VCPKMT: variants seen among roughly 807,000 people sequenced by gnomAD.
VCPKMT encodes protein N-lysine methyltransferase METTL21D.
In VCPKMT, 32 loss-of-function variants were observed where a neutral mutation model predicts 28.6. The observed-to-expected ratio is 1.12, with a 90% CI of 0.84 to 1.50. VCPKMT has a LOEUF of 1.50. Among genes scored for constraint, VCPKMT ranks in the 40% most tolerant of loss-of-function variants. The pLI is 0.00. For missense variants in VCPKMT, 366 were observed against 285.0 expected (o/e 1.28, Z -2.05); for synonymous variants, 138 against 111.4 (o/e 1.24, Z -1.50).
At chr14:50,114,000 G>A (rs1882915657) in intron 4 of VCPKMT, among the ~76,000 whole-genome samples, 1 of 152,152 alleles carries the variant, frequency 6.6e-6, no homozygotes, top group African/African-American at 2.4e-5. Context: ...TTCCCCAAAG[G>A]CAGCATCATG....
At chr14:50,114,794 G>A (rs891160923) in intron 3 of VCPKMT, among the ~76,000 whole-genome samples, 1 of 152,168 alleles carries the variant, frequency 6.6e-6, no homozygotes, top group Non-Finnish European at 1.5e-5. Context: ...AGGTTACAGT[G>A]AGCTATGATC....
Position 50,116,163 on chromosome 14 carries a change from T to C in VCPKMT, c.283A>G (p.Thr95Ala). The change falls in exon 2 of 6, where the codon ACC becomes GCC. Residue 95 changes from threonine (T) to alanine (A), a missense_variant. Coordinates refer to ENST00000395860, the MANE Select transcript of VCPKMT (RefSeq NM_024558.3). ...AATLGADVVV[T>A]DLEELQDLLK... is the part of the protein sequence containing the mutation. ...AAGTCTTGCAATTCCTCAAGATCGG[T>C]GACTACAACATCAGCCCTATAAAAT... 6.2e-7 allele frequency: 1 copy of C among 1,614,050 alleles called. No individual in the cohort carries two copies. The highest frequency in any genetic ancestry group is 1.6e-4 in the Middle Eastern group (1 of 6,062).
At chr14:50,111,967 T>C (rs1882689937) in intron 5 of VCPKMT, 6 of 985,388 alleles carry the variant, frequency 6.1e-6, no homozygotes, top group Non-Finnish European at 7.2e-6. Context: ...GCAACCTGCA[T>C]AAAATGTGAT....
downstream of VCPKMT, among the ~76,000 whole-genome samples, chr14:50,105,923 C>T (rs1468886172): frequency 2.0e-5 from 3 of 152,160 alleles, no homozygotes; most frequent in African/African-American, 7.2e-5. Flanking sequence ...TTCCAAAGTT[C>T]AGTCCTGTTT....
chr14:50,111,391 C>T (rs1882646395), intron 5 of VCPKMT: 1 of 985,280 alleles, frequency 1.0e-6, no homozygotes, highest in Admixed American at 6.2e-5. Context: ...AGTCCTAACA[C>T]CTACTTCTGT....
In VCPKMT at chr14:50,108,966, G is replaced by A; in HGVS notation, c.*733C>T. On this transcript the variant is annotated 3_prime_UTR_variant, in exon 6 of 6. Transcript: ENST00000395860. ...ACGTAAGTGCATAAGCCTGAAACTG[G>A]TCTTTCTATTCTCACTCCATGCTCA... 2 of 985,398 alleles carry A rather than the reference G, an allele frequency of 2.0e-6. No homozygotes were observed. Among genetic ancestry groups the A allele is most frequent in the Non-Finnish European group, 2.4e-6 (2 of 829,942 alleles). 61.0% of individuals were successfully genotyped at this position (985,398 alleles called of 1,614,324 possible). A position where few individuals can be genotyped will look rare whatever the true frequency, so the allele number is the denominator to read the frequency against.
chr14:50,112,393 GAGAAAA>G lies in VCPKMT; in HGVS notation c.675+216_675+221del, dbSNP rs748659042. Among the ~76,000 whole-genome samples, 558 of 56,424 alleles carry G rather than the reference GAGAAAA, an allele frequency of 9.9e-3. 12 individuals are homozygous for G. Among genetic ancestry groups the G allele is most frequent in the South Asian group, 0.013 (15 of 1,150 alleles). 37.0% of individuals were successfully genotyped at this position (56,424 alleles called of 152,430 possible). A position where few individuals can be genotyped will look rare whatever the true frequency, so the allele number is the denominator to read the frequency against. On this transcript the variant is annotated intron_variant, in intron 5 of 5. Transcript: ENST00000395860. ...AAACGTGTCTCTACTTAAAAAATAC[GAGAAAA>G]AAAAAAAAAAAAAAAAAAAAAGCCT...
At chr14:50,114,819 C>T (rs1238973694) in intron 3 of VCPKMT, among the ~76,000 whole-genome samples, 2 of 152,168 alleles carry the variant, frequency 1.3e-5, no homozygotes, top group African/African-American at 4.8e-5. Flanking sequence ...CACTGCACTA[C>T]AACATGTGTG....
downstream of VCPKMT, among the ~76,000 whole-genome samples, chr14:50,106,008 C>T (rs928309664): frequency 6.6e-6 from 1 of 152,172 alleles, no homozygotes; most frequent in Non-Finnish European, 1.5e-5. Context: ...GTACTAGGGG[C>T]CCACTCTATT....
chr14:50,106,803 C>A (rs568234246), downstream of VCPKMT, among the ~76,000 whole-genome samples: 2 of 152,264 alleles, frequency 1.3e-5, no homozygotes, highest in Non-Finnish European at 2.9e-5. Flanking sequence ...GCAGTCTCAA[C>A]CTCCCTGGGC....
chr14:50,115,147 T>G (rs1180401588), intron 3 of VCPKMT, among the ~76,000 whole-genome samples: 2 of 72,498 alleles, frequency 2.8e-5, no homozygotes, highest in South Asian at 3.4e-4. Flanking sequence ...AAACTGATGT[T>G]TTTTTTTTTT....
rs765032775 is a variant in VCPKMT, at chr14:50,116,053, G to A, written c.377+16C>T. ...ACAAATCAATATCTTAAAACAAGCT[G>A]AAAGGCCATACAAACCATTTCAGTA... On this transcript the variant is annotated intron_variant, in intron 2 of 5. Coordinates refer to ENST00000395860, the MANE Select transcript of VCPKMT (RefSeq NM_024558.3). 4 of 1,599,344 alleles carry A rather than the reference G, an allele frequency of 2.5e-6. No homozygotes were observed. The highest frequency in any genetic ancestry group is 2.6e-6 in the Non-Finnish European group (3 of 1,169,902).
chr14:50,112,453 T>A (rs1382954921), intron 5 of VCPKMT, among the ~76,000 whole-genome samples, 162 bp downstream of exon 5: 7 of 121,936 alleles, frequency 5.7e-5, no homozygotes, highest in African/African-American at 2.2e-4. Flanking sequence ...CAAGGCAAGA[T>A]AGATTAAATT....
At chr14:50,107,116 G>C (rs1187855638), downstream of VCPKMT, among the ~76,000 whole-genome samples, 1 of 152,184 alleles carries the variant, frequency 6.6e-6, no homozygotes, top group Non-Finnish European at 1.5e-5. Flanking sequence ...GGACTCCTCC[G>C]AAAGGAGACC....
chr14:50,116,498 C>T lies in VCPKMT; in HGVS notation c.55G>A (p.Val19Ile). The T allele has an allele frequency of 6.2e-7, 1 of 1,613,908 alleles. No individual in the cohort carries two copies. The change falls in exon 1 of 6, where the codon GTT becomes ATT. Residue 19 changes from valine to isoleucine, a missense_variant. Transcript: ENST00000395860. ...LEDPLRSFVRVLEKRDGTVLR... is the reference protein window; with the variant it reads ...LEDPLRSFVRILEKRDGTVLR... ...ACTGTACCATCCCGCTTCTCCAAAA[C>T]TCGCACAAAGCTCCGCAGTGGGTCC...
chr14:50,107,261 T>C (rs771200053), downstream of VCPKMT, among the ~76,000 whole-genome samples: 5 of 152,122 alleles, frequency 3.3e-5, no homozygotes, highest in South Asian at 2.1e-4. Flanking sequence ...AATGTGAGGA[T>C]TGGCACCCTG....
intron 2 of VCPKMT, 37 bp downstream of exon 2, chr14:50,116,032 A>G (rs772618826): frequency 4.2e-5 from 67 of 1,596,202 alleles, no homozygotes; most frequent in Non-Finnish European, 5.6e-5. Flanking sequence ...CAAACTACAA[A>G]TCAATATCTT....
intron 5 of VCPKMT, among the ~76,000 whole-genome samples, chr14:50,112,371 C>T (rs924429725): frequency 4.6e-5 from 5 of 108,314 alleles, no homozygotes; most frequent in African/African-American, 1.1e-4. Context: ...CACGGTGAAA[C>T]GTGTCTCTAC....
At position 50,109,614 on chromosome 14, in the gene VCPKMT, A is replaced by G. The variant is rs1882500750; in HGVS notation, c.*85T>C. On this transcript the variant is annotated 3_prime_UTR_variant, in exon 6 of 6. Transcript: ENST00000395860. ...CCGGAAAAAAAAATCTGTGAACACA[A>G]TCTTCCCATGCTGTATTCACATGCT... The G allele has an allele frequency of 2.7e-6, 4 of 1,496,036 alleles. No homozygotes were observed. The highest frequency in any genetic ancestry group is 2.7e-5 in the Admixed American group (1 of 37,526). 92.7% of individuals were successfully genotyped at this position (1,496,036 alleles called of 1,614,324 possible). A position where few individuals can be genotyped will look rare whatever the true frequency, so the allele number is the denominator to read the frequency against.
Sources: gnomAD v4.1 joint callset for allele counts (sites outside exome capture counted in the v4.1 genomes callset) on GRCh38, gnomAD v4.1.1 for gene constraint, MANE v1.5 for transcripts, NCBI Gene and HGNC (gene_info 2026-07-23, HGNC 2026-07-21) for gene names.